The following ADAMTSL1 variants were observed in gnomAD, a reference collection of about 807,000 sequenced individuals.
The protein encoded by ADAMTSL1 is ADAMTS like 1.
A neutral mutation model predicts 201.8 loss-of-function variants in ADAMTSL1; 126 were observed. That is an observed-to-expected ratio of 0.62 (90% CI 0.54 to 0.72). The LOEUF (loss-of-function observed/expected upper bound fraction) is 0.72. Ranked by LOEUF, ADAMTSL1 falls within the 30% of genes least tolerant of loss-of-function variation. ADAMTSL1 has a pLI of 0.00. For missense variants in ADAMTSL1, 2,679 were observed against 2,277.8 expected (o/e 1.18, Z -3.59); for synonymous variants, 1,121 against 903.4 (o/e 1.24, Z -4.32).
chr9:18,746,735 C>T (rs1819167311), intron 15 of ADAMTSL1, among the ~76,000 whole-genome samples: 1 of 149,656 alleles, frequency 6.7e-6, no homozygotes, highest in Non-Finnish European at 1.5e-5. Context: ...GGAGCAAAAC[C>T]TTGGCAACTC....
At chr9:17,991,565 C>T (rs938815069) in intron 1 of ADAMTSL1, among the ~76,000 whole-genome samples, 1 of 152,072 alleles carries the variant, frequency 6.6e-6, no homozygotes, top group Admixed American at 6.5e-5. Context: ...TGGTATAGTT[C>T]AAGTCTTTCA....
chr9:18,480,729 G>A lies in ADAMTSL1; in HGVS notation c.63+6434G>A, dbSNP rs139234130. Among the ~76,000 whole-genome samples, 10 of 152,288 alleles carry A rather than the reference G, an allele frequency of 6.6e-5. No homozygotes were observed. The East Asian group carries it at 1.5e-3, about 23-fold the overall frequency. Reference sequence around the variant, plus strand: ...TATGGGAAAAGAGAACTAACAAGATGCCACATCATTCTAATGGTGGTTTGA... The same window carrying A: ...TATGGGAAAAGAGAACTAACAAGATACCACATCATTCTAATGGTGGTTTGA... On this transcript the variant is annotated intron_variant, in intron 1 of 28. Transcript: ENST00000380548.
At chr9:18,433,709 C>T (rs1320883438) in intron 2 of ADAMTSL1, among the ~76,000 whole-genome samples, 1 of 152,122 alleles carries the variant, frequency 6.6e-6, no homozygotes, top group Non-Finnish European at 1.5e-5. Flanking sequence ...TCACTCAAAG[C>T]TAATTAAACC....
intron 2 of ADAMTSL1, among the ~76,000 whole-genome samples, chr9:18,417,275 G>C (rs1818718383): frequency 6.8e-6 from 1 of 146,818 alleles, no homozygotes; most frequent in South Asian, 2.2e-4. Flanking sequence ...ATTTCTGTTA[G>C]TAAAGAAAAA....
chr9:18,370,452 A>G (rs1326676833), intron 2 of ADAMTSL1, among the ~76,000 whole-genome samples: 1 of 152,134 alleles, frequency 6.6e-6, no homozygotes, highest in Non-Finnish European at 1.5e-5. Flanking sequence ...CCCCCCCCGA[A>G]TCCATAATAA....
intron 20 of ADAMTSL1, among the ~76,000 whole-genome samples, chr9:18,815,284 TATCCAAGATATAGAATCA>T (rs1412485837): frequency 5.3e-5 from 8 of 151,896 alleles, no homozygotes; most frequent in Admixed American, 1.3e-4. Flanking sequence ...CTATTCACAA[TATCCAAGATATAGAATCA>T]ATCCAAGTGT....
chr9:18,242,571 A>C (rs879356697), intron 2 of ADAMTSL1, among the ~76,000 whole-genome samples: 1 of 152,134 alleles, frequency 6.6e-6, no homozygotes, highest in Non-Finnish European at 1.5e-5. Flanking sequence ...AAATACAATT[A>C]TCTCTATTTG....
At chr9:18,109,360 G>T (rs181866389) in intron 1 of ADAMTSL1, among the ~76,000 whole-genome samples, 1 of 152,214 alleles carries the variant, frequency 6.6e-6, no homozygotes, top group African/African-American at 2.4e-5. Flanking sequence ...GAAGAGTTTG[G>T]AGCCTGCACA....
At chr9:18,858,051 TA>T (rs71494989) in intron 23 of ADAMTSL1, among the ~76,000 whole-genome samples, 101,271 of 151,174 alleles carry the variant, frequency 0.67, 34,478 homozygotes, top group African/African-American at 0.81. Context: ...ACCCAGAATT[TA>T]AAAAAAAAAT....
At chr9:18,319,258 A>G (rs1051983736) in intron 2 of ADAMTSL1, among the ~76,000 whole-genome samples, 1 of 152,204 alleles carries the variant, frequency 6.6e-6, no homozygotes, top group Non-Finnish European at 1.5e-5. Flanking sequence ...GCATGCCTTT[A>G]ATAACACATA....
At chr9:18,309,066 C>A (rs1474654479) in intron 2 of ADAMTSL1, among the ~76,000 whole-genome samples, 1 of 152,136 alleles carries the variant, frequency 6.6e-6, no homozygotes, top group African/African-American at 2.4e-5. Flanking sequence ...ATCACATAAA[C>A]AAAACCAATG....
chr9:18,028,579 G>A (rs1247964586), intron 1 of ADAMTSL1, among the ~76,000 whole-genome samples: 3 of 151,928 alleles, frequency 2.0e-5, no homozygotes, highest in Admixed American at 6.6e-5. Flanking sequence ...GTATATATGC[G>A]GCATTATTTC....
intron 2 of ADAMTSL1, among the ~76,000 whole-genome samples, chr9:18,444,066 G>A (rs1007904890): frequency 6.6e-6 from 1 of 152,168 alleles, no homozygotes; most frequent in Non-Finnish European, 1.5e-5. Flanking sequence ...TTTTTGTGAG[G>A]ATGTGTCAGA....
intron 13 of ADAMTSL1, among the ~76,000 whole-genome samples, chr9:18,694,192 C>A (rs758103197): frequency 6.6e-6 from 1 of 152,132 alleles, no homozygotes; most frequent in Non-Finnish European, 1.5e-5. Flanking sequence ...CAGCCCCCTC[C>A]TCCAACACTG....
chr9:18,078,036 G>T (rs903989221), intron 1 of ADAMTSL1, among the ~76,000 whole-genome samples: 6 of 152,270 alleles, frequency 3.9e-5, no homozygotes, highest in Middle Eastern at 3.4e-3. Flanking sequence ...GAGTTGAACT[G>T]AGAGAGAAGA....
rs780406019 is a variant in ADAMTSL1 at position 18,826,395 on chromosome 9, G to A, written c.4046G>A (p.Gly1349Asp). Reference sequence around the variant, plus strand: ...ACAAACGTGTCCTCCTCGGATCAGGGCCTGTACTCCTGCAGGGCGGCCAAT... The same window carrying A: ...ACAAACGTGTCCTCCTCGGATCAGGACCTGTACTCCTGCAGGGCGGCCAAT... The part of the protein sequence containing the change: ...LLTNVSSSDQ[G>D]LYSCRAANLH... Residue 1349 changes from glycine to aspartate, a missense_variant, in exon 22 of 29, where the codon GGC (glycine) becomes GAC (aspartate). Coordinates refer to ENST00000380548, the MANE Select transcript of ADAMTSL1 (RefSeq NM_001040272.6). 2 of 1,613,692 alleles carry A rather than the reference G, an allele frequency of 1.2e-6. No individual in the cohort carries two copies. Among genetic ancestry groups the A allele is most frequent in the Non-Finnish European group, 8.5e-7 (1 of 1,179,862 alleles).
chr9:18,674,560 C>G (rs1830026708), intron 9 of ADAMTSL1, among the ~76,000 whole-genome samples: 1 of 151,992 alleles, frequency 6.6e-6, no homozygotes, highest in African/African-American at 2.4e-5. Context: ...TACCCAAACA[C>G]CTGGGTTTGC....
chr9:18,349,758 A>G (rs1320209518), intron 2 of ADAMTSL1, among the ~76,000 whole-genome samples: 2 of 152,116 alleles, frequency 1.3e-5, no homozygotes, highest in Non-Finnish European at 2.9e-5. Context: ...CCTGAGGCAC[A>G]AGCCCTAAAC....
chr9:18,079,044 G>A (rs1021236694), intron 1 of ADAMTSL1, among the ~76,000 whole-genome samples: 1 of 152,172 alleles, frequency 6.6e-6, no homozygotes, highest in East Asian at 1.9e-4. Flanking sequence ...ATCCAGAGGT[G>A]TGCTGTACTG....
Sources: gnomAD v4.1 joint callset for allele counts (sites outside exome capture counted in the v4.1 genomes callset) on GRCh38, gnomAD v4.1.1 for gene constraint, MANE v1.5 for transcripts, NCBI Gene and HGNC (gene_info 2026-07-23, HGNC 2026-07-21) for gene names.